SLC39A11: variants seen among roughly 807,000 people sequenced by gnomAD.
The protein encoded by SLC39A11 is solute carrier family 39 member 11.
Under a neutral mutation model 36.1 loss-of-function variants are expected in SLC39A11, and 33 were observed. That is an observed-to-expected ratio of 0.91 (90% CI 0.69 to 1.22). The LOEUF (loss-of-function observed/expected upper bound fraction) is 1.22, where lower values mean the gene tolerates loss of function less well. SLC39A11 is among the 50% of genes most tolerant of loss of function. SLC39A11 has a pLI of 0.00. For missense variants in SLC39A11, 432 were observed against 430.3 expected (o/e 1.00, Z -0.03); for synonymous variants, 166 against 170.3 (o/e 0.97, Z 0.20).
intron 5 of SLC39A11, among the ~76,000 whole-genome samples, chr17:72,861,331 A>G (rs563879522): frequency 1.9e-4 from 29 of 152,276 alleles, no homozygotes; most frequent in Admixed American, 5.9e-4. Flanking sequence ...TTTTCCATCA[A>G]TAAAAGGAGG....
chr17:72,933,363 T>C (rs2084542020), intron 5 of SLC39A11, among the ~76,000 whole-genome samples: 1 of 152,044 alleles, frequency 6.6e-6, no homozygotes. Context: ...TAACCAACGG[T>C]AGAGTATGTA....
chr17:72,667,476 T>A (rs889531744), intron 7 of SLC39A11, among the ~76,000 whole-genome samples: 4 of 152,220 alleles, frequency 2.6e-5, no homozygotes, highest in Non-Finnish European at 5.9e-5. Flanking sequence ...GCTTTGCCAT[T>A]GGGAAACAAT....
chr17:72,933,930 CA>C (rs1170145030), intron 5 of SLC39A11, among the ~76,000 whole-genome samples: 1 of 151,982 alleles, frequency 6.6e-6, no homozygotes, highest in Non-Finnish European at 1.5e-5. Context: ...CAGAACCAAA[CA>C]AATATGGCTC....
intron 5 of SLC39A11, among the ~76,000 whole-genome samples, chr17:72,860,426 C>T (rs1414442326): frequency 6.6e-6 from 1 of 152,194 alleles, no homozygotes; most frequent in Non-Finnish European, 1.5e-5. Flanking sequence ...CATGTATGTG[C>T]CCACATGCAG....
At chr17:73,044,878 GAAAAA>G (rs11298701) in intron 3 of SLC39A11, among the ~76,000 whole-genome samples, 4 of 119,026 alleles carry the variant, frequency 3.4e-5, no homozygotes, top group African/African-American at 1.2e-4. Context: ...CTCTGTCTCA[GAAAAA>G]AAAAAAAAAA....
chr17:72,818,942 T>A (rs1470807786), intron 6 of SLC39A11: 2 of 152,194 alleles, frequency 1.3e-5, no homozygotes, highest in African/African-American at 2.4e-5. Context: ...ATCTTCACTT[T>A]GAGAAGAAAC....
intron 9 of SLC39A11, among the ~76,000 whole-genome samples, chr17:72,648,394 C>T (rs2069677076): frequency 6.6e-6 from 1 of 151,120 alleles, no homozygotes; most frequent in South Asian, 2.1e-4. Context: ...ACAAAGCAAA[C>T]CCTTACTCCC....
intron 5 of SLC39A11, among the ~76,000 whole-genome samples, chr17:72,854,513 A>G (rs1399607005): frequency 6.6e-6 from 1 of 152,096 alleles, no homozygotes; most frequent in Non-Finnish European, 1.5e-5. Context: ...TGATAGTAGT[A>G]TGTGTTAACC....
intron 3 of SLC39A11, among the ~76,000 whole-genome samples, chr17:73,065,973 C>T (rs2059986447): frequency 6.6e-6 from 1 of 152,076 alleles, no homozygotes; most frequent in Admixed American, 6.6e-5. Flanking sequence ...ACAATGAAGG[C>T]ACCTGGCACC....
intron 6 of SLC39A11, among the ~76,000 whole-genome samples, chr17:72,827,467 C>T (rs2078076736): frequency 6.6e-6 from 1 of 152,142 alleles, no homozygotes; most frequent in South Asian, 2.1e-4. Context: ...TTAAACTGTA[C>T]ACTTCAAATG....
chr17:72,940,433 G>A lies in SLC39A11; in HGVS notation c.430+7319C>T, dbSNP rs190268740. On this transcript the variant is annotated intron_variant, in intron 5 of 9. Transcript: ENST00000255559. ...TGGGATTACAGGCATGTGCCAACAC[G>A]CTCGGCTAATTTTTGCATTTTTAGT... Among the ~76,000 whole-genome samples the A allele has an allele frequency of 8.6e-4, 131 of 152,260 alleles. 3 individuals are homozygous for A. The East Asian group carries it at 0.021, about 24-fold the overall frequency.
chr17:72,805,355 C>T (rs1189781674), intron 6 of SLC39A11, among the ~76,000 whole-genome samples: 1 of 152,138 alleles, frequency 6.6e-6, no homozygotes, highest in Non-Finnish European at 1.5e-5. Flanking sequence ...GACAACTGCC[C>T]CTGCTTGGAA....
At chr17:72,969,346 T>C (rs2087251895) in intron 4 of SLC39A11, among the ~76,000 whole-genome samples, 1 of 151,804 alleles carries the variant, frequency 6.6e-6, no homozygotes, top group African/African-American at 2.4e-5. Flanking sequence ...ACAGCCAGAT[T>C]CAGGGGAGAG....
intron 7 of SLC39A11, among the ~76,000 whole-genome samples, chr17:72,697,218 G>T (rs1354492931): frequency 6.6e-6 from 1 of 152,134 alleles, no homozygotes; most frequent in African/African-American, 2.4e-5. Context: ...GAGTAGTTGG[G>T]ACTACAAGTG....
intron 7 of SLC39A11, among the ~76,000 whole-genome samples, chr17:72,731,763 G>A (rs914373606): frequency 3.9e-5 from 6 of 151,908 alleles, no homozygotes; most frequent in African/African-American, 1.2e-4. Flanking sequence ...GACTTGCTCT[G>A]TTGCCCAGGC....
chr17:72,881,496 C>T (rs922725795), intron 5 of SLC39A11, among the ~76,000 whole-genome samples: 2 of 152,152 alleles, frequency 1.3e-5, no homozygotes, highest in Non-Finnish European at 2.9e-5. Flanking sequence ...AAGTAAGTTT[C>T]TTTTCTGTAG....
At chr17:72,894,862 T>C (rs2081951957) in intron 5 of SLC39A11, among the ~76,000 whole-genome samples, 1 of 151,934 alleles carries the variant, frequency 6.6e-6, no homozygotes, top group Non-Finnish European at 1.5e-5. Flanking sequence ...GATGGTGCTG[T>C]AGAAGATGCA....
intron 7 of SLC39A11, among the ~76,000 whole-genome samples, chr17:72,661,468 C>T (rs2070415628): frequency 6.6e-6 from 1 of 152,214 alleles, no homozygotes; most frequent in Non-Finnish European, 1.5e-5. Flanking sequence ...CCCTGACAAG[C>T]CCTGCTTCAC....
At chr17:72,753,904 A>C (rs1054876175) in intron 6 of SLC39A11, among the ~76,000 whole-genome samples, 65 of 149,744 alleles carry the variant, frequency 4.3e-4, no homozygotes, top group African/African-American at 1.5e-3. Context: ...AAAAAAAAAA[A>C]AAAAAAAACC....
Sources: allele counts gnomAD v4.1 joint callset (sites outside exome capture counted in the v4.1 genomes callset), GRCh38; gene constraint gnomAD v4.1.1; transcripts MANE v1.5; gene names NCBI Gene and HGNC (gene_info 2026-07-23, HGNC 2026-07-21).